PTPRM: variants seen among roughly 807,000 people sequenced by gnomAD.
The protein encoded by PTPRM is protein tyrosine phosphatase receptor type M.
PTPRM carries 47 observed loss-of-function variants against 186.7 expected under a neutral mutation model. That is an observed-to-expected ratio of 0.25 (90% CI 0.20 to 0.32). The LOEUF is 0.32. PTPRM is among the 10% of genes least tolerant of loss of function. PTPRM has a pLI of 1.00. For synonymous variants in PTPRM, 668 were observed against 674.9 expected, an observed-to-expected ratio of 0.99 and a Z score of 0.16; for missense variants, 1,494 against 1,865.0, an observed-to-expected ratio of 0.80 and a Z score of 3.66.
chr18:7,817,274 C>G (rs571985930), intron 2 of PTPRM, among the ~76,000 whole-genome samples: 1 of 152,046 alleles, frequency 6.6e-6, no homozygotes. Context: ...TGCCCCCAGC[C>G]TTTTTCTAGT....
intron 11 of PTPRM, among the ~76,000 whole-genome samples, chr18:8,093,398 A>G (rs2090856433): frequency 1.3e-5 from 2 of 152,202 alleles, no homozygotes; most frequent in South Asian, 2.1e-4. Flanking sequence ...GTTTCTATTC[A>G]TAAGACCAGC....
At chr18:7,716,101 C>G (rs571093956) in intron 1 of PTPRM, among the ~76,000 whole-genome samples, 1 of 152,270 alleles carries the variant, frequency 6.6e-6, no homozygotes, top group East Asian at 1.9e-4. Flanking sequence ...CGCTACCTGA[C>G]TTCAAACTAT....
At chr18:8,290,177 C>A (rs531559512) in intron 19 of PTPRM, among the ~76,000 whole-genome samples, 1 of 152,190 alleles carries the variant, frequency 6.6e-6, no homozygotes, top group Non-Finnish European at 1.5e-5. Flanking sequence ...AGAAATTTCA[C>A]AGACTTTGCA....
At chr18:7,785,299 T>C (rs2043046929) in intron 2 of PTPRM, among the ~76,000 whole-genome samples, 1 of 152,112 alleles carries the variant, frequency 6.6e-6, no homozygotes, top group African/African-American at 2.4e-5. Flanking sequence ...AAAGATGTAA[T>C]AAGGAAATTT....
intron 6 of PTPRM, 44 bp from the exon 7 acceptor site, chr18:7,955,077 G>A: frequency 6.6e-7 from 1 of 1,526,196 alleles, no homozygotes; most frequent in Non-Finnish European, 8.9e-7. Flanking sequence ...TTTTAAGACT[G>A]AAGACAAAGC....
intron 7 of PTPRM, among the ~76,000 whole-genome samples, chr18:8,047,832 A>G (rs1000840391): frequency 3.3e-5 from 5 of 152,174 alleles, no homozygotes; most frequent in African/African-American, 9.7e-5. Flanking sequence ...GATGTCTGGA[A>G]CTTTTTCCAG....
At chr18:8,232,596 T>C (rs113316244) in intron 14 of PTPRM, among the ~76,000 whole-genome samples, 4 of 152,300 alleles carry the variant, frequency 2.6e-5, no homozygotes, top group African/African-American at 9.6e-5. Context: ...CGATCTTGGC[T>C]CACTGCAATG....
At chr18:8,001,921 G>A (rs2083897822) in intron 7 of PTPRM, among the ~76,000 whole-genome samples, 1 of 152,226 alleles carries the variant, frequency 6.6e-6, no homozygotes, top group Non-Finnish European at 1.5e-5. Flanking sequence ...GTCAGCACCT[G>A]CTGTGTGTCA....
chr18:7,743,295 A>T (rs1438161623), intron 1 of PTPRM, among the ~76,000 whole-genome samples: 1 of 152,226 alleles, frequency 6.6e-6, no homozygotes, highest in Non-Finnish European at 1.5e-5. Flanking sequence ...TCGTGGAATA[A>T]TGTGTGTGAA....
intron 2 of PTPRM, among the ~76,000 whole-genome samples, chr18:7,855,598 A>G (rs772890594): frequency 6.6e-6 from 1 of 152,244 alleles, no homozygotes; most frequent in Non-Finnish European, 1.5e-5. Context: ...TGGAACTAAT[A>G]GCACTGAACT....
chr18:7,597,832 A>G (rs968392389), intron 1 of PTPRM, among the ~76,000 whole-genome samples: 2 of 152,186 alleles, frequency 1.3e-5, no homozygotes, highest in Admixed American at 6.5e-5. Flanking sequence ...AGAGAGTACA[A>G]ATTTGCAAAG....
chr18:7,816,455 G>A (rs1197586606), intron 2 of PTPRM, among the ~76,000 whole-genome samples: 2 of 152,138 alleles, frequency 1.3e-5, no homozygotes, highest in African/African-American at 2.4e-5. Context: ...AATAAAGGAT[G>A]TCATTTCTAA....
chr18:7,841,116 G>A (rs1019896773), intron 2 of PTPRM, among the ~76,000 whole-genome samples: 1 of 152,096 alleles, frequency 6.6e-6, no homozygotes, highest in African/African-American at 2.4e-5. Flanking sequence ...TGAGCCCATG[G>A]TGAATTGTAA....
At chr18:7,587,213 A>G (rs758999926) in intron 1 of PTPRM, among the ~76,000 whole-genome samples, 12 of 152,188 alleles carry the variant, frequency 7.9e-5, no homozygotes, top group Non-Finnish European at 1.5e-4. Flanking sequence ...TCAGAAATCA[A>G]CTGGGCTTTC....
intron 9 of PTPRM, among the ~76,000 whole-genome samples, chr18:8,084,862 C>G (rs753478750): frequency 1.3e-5 from 2 of 152,006 alleles, no homozygotes; most frequent in African/African-American, 2.4e-5. Flanking sequence ...TTAAAGGCAC[C>G]TATGTTATAT....
At chr18:7,879,508 G>T (rs578103199) in intron 2 of PTPRM, among the ~76,000 whole-genome samples, 1 of 152,098 alleles carries the variant, frequency 6.6e-6, no homozygotes, top group East Asian at 1.9e-4. Flanking sequence ...TACATAATGG[G>T]TGCTCAGATG....
At chr18:7,686,318 T>C (rs908877599) in intron 1 of PTPRM, among the ~76,000 whole-genome samples, 17 of 152,182 alleles carry the variant, frequency 1.1e-4, no homozygotes, top group African/African-American at 4.1e-4. Flanking sequence ...GTAGAATCTC[T>C]TGTTACTTAA....
intron 1 of PTPRM, among the ~76,000 whole-genome samples, chr18:7,623,346 A>G (rs1281323160): frequency 6.6e-6 from 1 of 152,196 alleles, no homozygotes; most frequent in Non-Finnish European, 1.5e-5. Flanking sequence ...AAAGGAAGAT[A>G]AAACATACTA....
rs878988896 is a variant in PTPRM, at chr18:8,343,419, G to T, written c.2957-4G>T. ...CAAAAAGTTTCTGTTGTGTTTTGCT[G>T]CAGGGCCAATGCAGGAAACCATCTA... On this transcript the variant is annotated splice_polypyrimidine_tract_variant and splice_region_variant and intron_variant, in intron 22 of 32. Transcript: ENST00000580170. 1 of 1,611,234 alleles carries T rather than the reference G, an allele frequency of 6.2e-7. No homozygotes were observed. Among genetic ancestry groups the T allele is most frequent in the East Asian group, 2.2e-5 (1 of 44,810 alleles).
Sources: gnomAD v4.1 joint callset for allele counts (sites outside exome capture counted in the v4.1 genomes callset) on GRCh38, gnomAD v4.1.1 for gene constraint, MANE v1.5 for transcripts, NCBI Gene and HGNC (gene_info 2026-07-23, HGNC 2026-07-21) for gene names.